The following ANGPT2 variants were observed in gnomAD, a reference collection of about 807,000 sequenced individuals.
The protein encoded by ANGPT2 is angiopoietin-2.
In ANGPT2, 28 loss-of-function variants were observed where a neutral mutation model predicts 62.9. The ratio of observed to expected loss-of-function variants is 0.44; its 90% CI spans 0.33 to 0.61. The LOEUF is 0.61. Ranked by LOEUF, ANGPT2 falls within the 20% of genes least tolerant of loss-of-function variation. The probability of loss-of-function intolerance (pLI) is 0.03; values close to 1 mark genes in which losing one functional copy is unlikely to be tolerated. For synonymous variants in ANGPT2, 284 were observed against 207.8 expected, an observed-to-expected ratio of 1.37 and a Z score of -3.15; for missense variants, 727 against 594.9, an observed-to-expected ratio of 1.22 and a Z score of -2.31.
intron 5 of ANGPT2, among the ~76,000 whole-genome samples, chr8:6,515,908 C>G (rs1816178763): frequency 6.6e-6 from 1 of 152,172 alleles, no homozygotes; most frequent in East Asian, 1.9e-4. Context: ...TATTCCTGTT[C>G]TTTCATTTCC....
intron 2 of ANGPT2, among the ~76,000 whole-genome samples, chr8:6,531,273 GTTTCTTTC>G (rs558112004): frequency 6.7e-6 from 1 of 150,004 alleles, no homozygotes; most frequent in Non-Finnish European, 1.5e-5. Flanking sequence ...TATTTTACTA[GTTTCTTTC>G]TTTCTTTCTT....
chr8:6,551,440 G>A (rs1021726691), intron 1 of ANGPT2, among the ~76,000 whole-genome samples: 7 of 152,126 alleles, frequency 4.6e-5, no homozygotes, highest in African/African-American at 1.7e-4. Context: ...AAACATGCAT[G>A]GATTTATGTG....
chr8:6,543,050 G>T lies in ANGPT2; in HGVS notation c.289-10563C>A, dbSNP rs575079129. ...GGAATGCTTGAGAAATCTCACAGCAGGGCTGTGCGTGCCCTGCCGGGTCCC... is the reference window on the plus strand; with the variant it reads ...GGAATGCTTGAGAAATCTCACAGCATGGCTGTGCGTGCCCTGCCGGGTCCC... On this transcript the variant is annotated intron_variant, in intron 1 of 8. Transcript: ENST00000629816. Among the ~76,000 whole-genome samples the T allele has an allele frequency of 1.8e-4, 28 of 152,284 alleles. No individual in the cohort carries two copies. The South Asian group carries it at 5.8e-3, about 32-fold the overall frequency.
chr8:6,535,461 G>T (rs1820307747), intron 1 of ANGPT2, among the ~76,000 whole-genome samples: 1 of 152,144 alleles, frequency 6.6e-6, no homozygotes, highest in Non-Finnish European at 1.5e-5. Context: ...CTACTTTTTA[G>T]CTATTCAGGA....
intron 3 of ANGPT2, among the ~76,000 whole-genome samples, chr8:6,526,777 C>T (rs750742412): frequency 1.3e-5 from 2 of 152,130 alleles, no homozygotes; most frequent in Non-Finnish European, 2.9e-5. Context: ...TACATGTCTT[C>T]ATTAAAAACA....
At chr8:6,552,634 A>G (rs1437241901) in intron 1 of ANGPT2, among the ~76,000 whole-genome samples, 4 of 152,168 alleles carry the variant, frequency 2.6e-5, no homozygotes, top group African/African-American at 4.8e-5. Context: ...GCAATTGTGT[A>G]GCATCTTACA....
chr8:6,528,878 T>A lies in ANGPT2; in HGVS notation c.445-1202A>T, dbSNP rs150713936. ...TTATCCTTAGAGCTGGTTTAGTTCTTATCACAAAAAGTCTTCTGTGAGAAT... is the reference window on the plus strand; with the variant it reads ...TTATCCTTAGAGCTGGTTTAGTTCTAATCACAAAAAGTCTTCTGTGAGAAT... On this transcript the variant is annotated intron_variant, in intron 2 of 8. Coordinates refer to ENST00000629816, the MANE Select transcript of ANGPT2 (RefSeq NM_001118887.2). Among the ~76,000 whole-genome samples, 1,234 of 152,350 alleles carry A rather than the reference T, an allele frequency of 8.1e-3. 5 individuals carry two copies. Among genetic ancestry groups the A allele is most frequent in the Middle Eastern group, 0.027 (8 of 294 alleles).
At chr8:6,547,748 T>G (rs1822858203) in intron 1 of ANGPT2, among the ~76,000 whole-genome samples, 1 of 152,102 alleles carries the variant, frequency 6.6e-6, no homozygotes, top group African/African-American at 2.4e-5. Context: ...CCATCTCCAC[T>G]GACTCACTCG....
At chr8:6,536,615 T>G (rs1038201723) in intron 1 of ANGPT2, among the ~76,000 whole-genome samples, 1 of 152,138 alleles carries the variant, frequency 6.6e-6, no homozygotes, top group Non-Finnish European at 1.5e-5. Context: ...CAAAGATTAG[T>G]AGTAATTTTT....
intron 1 of ANGPT2, among the ~76,000 whole-genome samples, chr8:6,539,357 C>G (rs376366652): frequency 4.6e-5 from 7 of 152,184 alleles, no homozygotes; most frequent in African/African-American, 1.7e-4. Flanking sequence ...TTGGCCTTTT[C>G]TTCACGTTCA....
rs747569467 is a variant in ANGPT2, at chr8:6,532,296, G to T, written c.444+36C>A. On this transcript the variant is annotated intron_variant, in intron 2 of 8. Transcript: ENST00000629816. ...CGCGACTGAGTGCTAGTCTCTAGCTGCAGGGACACCGTGTGCTTTATGTGG... is the reference window on the plus strand; with the variant it reads ...CGCGACTGAGTGCTAGTCTCTAGCTTCAGGGACACCGTGTGCTTTATGTGG... The T allele has an allele frequency of 1.2e-5, 20 of 1,613,224 alleles. No individual in the cohort carries two copies. In the South Asian group the frequency reaches 1.6e-4, roughly 13 times the overall value.
At chr8:6,522,526 C>A (rs796864051) in intron 3 of ANGPT2, among the ~76,000 whole-genome samples, 15 of 152,238 alleles carry the variant, frequency 9.9e-5, no homozygotes, top group African/African-American at 3.6e-4. Flanking sequence ...ATAATCCCAG[C>A]ACTTTGGAAG....
At chr8:6,514,061 A>G (rs1226025152) in intron 6 of ANGPT2, among the ~76,000 whole-genome samples, 1 of 152,194 alleles carries the variant, frequency 6.6e-6, no homozygotes, top group Non-Finnish European at 1.5e-5. Context: ...GTATTAGGAT[A>G]ATGAGAACTA....
intron 1 of ANGPT2, among the ~76,000 whole-genome samples, chr8:6,534,976 G>C (rs1820227723): frequency 6.6e-6 from 1 of 152,180 alleles, no homozygotes; most frequent in African/African-American, 2.4e-5. Flanking sequence ...CACTGTCTTA[G>C]TTACTCCTCA....
At chr8:6,517,811 T>G (rs1045875886) in intron 5 of ANGPT2, among the ~76,000 whole-genome samples, 7 of 152,232 alleles carry the variant, frequency 4.6e-5, no homozygotes, top group African/African-American at 1.7e-4. Flanking sequence ...CATCCAAGTC[T>G]GTCTATCTCT....
intron 8 of ANGPT2, chr8:6,508,641 G>C: frequency 1.7e-6 from 1 of 575,302 alleles, no homozygotes; most frequent in South Asian, 2.4e-5. Context: ...TATCCAGCAA[G>C]CACAAACGCA....
In ANGPT2 at chr8:6,543,096, C is replaced by G. The variant is rs561428422; in HGVS notation, c.289-10609G>C. Among the ~76,000 whole-genome samples, 265 of 152,070 alleles carry G rather than the reference C, an allele frequency of 1.7e-3. 1 individual carries two copies. The highest frequency in any genetic ancestry group is 5.8e-3 in the African/African-American group (241 of 41,448). ...GTCCCACTGCCTCTGGACAGAAACC[C>G]CCGCAACTCCACCCCCAGCCAAGAC... On this transcript the variant is annotated intron_variant, in intron 1 of 8. Transcript: ENST00000629816.
Position 6,562,771 on chromosome 8 carries a change from G to C in ANGPT2, c.164C>G (p.Ser55Cys). Residue 55 changes from serine to cysteine, a missense_variant, in exon 1 of 9, where the codon TCT becomes TGT. By Grantham distance (112) the Ser-to-Cys change is moderately radical (BLOSUM62 -1). Coordinates refer to ENST00000629816, the MANE Select transcript of ANGPT2 (RefSeq NM_001118887.2). ...FLLPEMDNCR[S>C]SSSPYVSNAV... ...ATTGGACACGTAGGGGCTGGAGGAAGAGCGGCAGTTGTCCATCTCTGGCAG... is the reference window on the plus strand; with the variant it reads ...ATTGGACACGTAGGGGCTGGAGGAACAGCGGCAGTTGTCCATCTCTGGCAG... 1 of 1,613,940 alleles carries C rather than the reference G, an allele frequency of 6.2e-7. No individual in the cohort carries two copies.
At chr8:6,553,263 T>TA (rs1161233049) in intron 1 of ANGPT2, among the ~76,000 whole-genome samples, 1 of 152,106 alleles carries the variant, frequency 6.6e-6, no homozygotes, top group Non-Finnish European at 1.5e-5. Context: ...AAAACTGCTC[T>TA]AAAAAACATA....
Sources: allele counts gnomAD v4.1 joint callset (sites outside exome capture counted in the v4.1 genomes callset), GRCh38; gene constraint gnomAD v4.1.1; transcripts MANE v1.5; gene names NCBI Gene and HGNC (gene_info 2026-07-23, HGNC 2026-07-21).